OR1J2: variants seen among roughly 807,000 people sequenced by gnomAD.
OR1J2 encodes the protein olfactory receptor family 1 subfamily J member 2, also known as olfactory receptor 1J2.
For missense variants in OR1J2, 304 were observed against 246.1 expected, an observed-to-expected ratio of 1.24 and a Z score of -1.57; for synonymous variants, 142 against 99.7, an observed-to-expected ratio of 1.42 and a Z score of -2.52.
the OR1J2 span, among the ~76,000 whole-genome samples, chr9:122,476,469 C>A: frequency 6.6e-6 from 1 of 152,160 alleles, no homozygotes; most frequent in Non-Finnish European, 1.5e-5. Context: ...TTCCATTACC[C>A]AAGAAAAGAG....
At chr9:122,462,250 G>T in the OR1J2 span, among the ~76,000 whole-genome samples, 1 of 151,962 alleles carries the variant, frequency 6.6e-6, no homozygotes, top group Non-Finnish European at 1.5e-5. Flanking sequence ...GCTTGCTTTT[G>T]GTGTCCATTT....
upstream of OR1J2, among the ~76,000 whole-genome samples, chr9:122,507,110 G>C (rs145077301): frequency 1.1e-3 from 171 of 152,284 alleles, 1 homozygote; most frequent in African/African-American, 3.8e-3. Flanking sequence ...TCTGTGGTAG[G>C]TTTCAAGGGT....
chr9:122,549,931 T>C, the OR1J2 span, among the ~76,000 whole-genome samples: 2 of 152,182 alleles, frequency 1.3e-5, no homozygotes, highest in African/African-American at 4.8e-5. Flanking sequence ...TTGCATTGAA[T>C]CTATAGATTG....
chr9:122,482,409 T>A, the OR1J2 span, among the ~76,000 whole-genome samples: 2 of 152,170 alleles, frequency 1.3e-5, no homozygotes, highest in African/African-American at 2.4e-5. Context: ...GGAAGACTTA[T>A]ACATGGTTGG....
At chr9:122,464,135 A>G in the OR1J2 span, among the ~76,000 whole-genome samples, 2 of 152,014 alleles carry the variant, frequency 1.3e-5, no homozygotes, top group African/African-American at 2.4e-5. Context: ...GGGGGCTGGG[A>G]GTGTGGTTCC....
At chr9:122,454,719 GA>G in the OR1J2 span, among the ~76,000 whole-genome samples, 2 of 152,174 alleles carry the variant, frequency 1.3e-5, no homozygotes, top group Non-Finnish European at 2.9e-5. Flanking sequence ...CATAGGGCTA[GA>G]AAGGCAAACG....
chr9:122,456,849 G>A, the OR1J2 span, among the ~76,000 whole-genome samples: 1 of 152,154 alleles, frequency 6.6e-6, no homozygotes, highest in African/African-American at 2.4e-5. Flanking sequence ...AATATCATTT[G>A]GATCAGCAAT....
chr9:122,545,184 A>G, the OR1J2 span, among the ~76,000 whole-genome samples: 1 of 146,772 alleles, frequency 6.8e-6, no homozygotes, highest in Admixed American at 6.6e-5. Flanking sequence ...TTAGTTGGAT[A>G]TAATATTATG....
the OR1J2 span, among the ~76,000 whole-genome samples, chr9:122,448,523 G>C: frequency 6.6e-6 from 1 of 152,102 alleles, no homozygotes; most frequent in Admixed American, 6.6e-5. Flanking sequence ...CGTCAGGCTG[G>C]GGGATGGTTA....
chr9:122,579,131 A>G, the OR1J2 span, among the ~76,000 whole-genome samples: 2 of 152,076 alleles, frequency 1.3e-5, no homozygotes, highest in Non-Finnish European at 2.9e-5. Context: ...AACAGAAATC[A>G]TCCAAGTTTT....
the OR1J2 span, among the ~76,000 whole-genome samples, chr9:122,574,848 T>TATC: frequency 1.3e-5 from 2 of 152,140 alleles, no homozygotes; most frequent in Non-Finnish European, 2.9e-5. Flanking sequence ...AGTTTTTTCT[T>TATC]ATCAAGTTGA....
chr9:122,499,649 A>G, the OR1J2 span, among the ~76,000 whole-genome samples: 1 of 152,224 alleles, frequency 6.6e-6, no homozygotes, highest in Non-Finnish European at 1.5e-5. Flanking sequence ...AGGGTGGGTC[A>G]GGCTGCTGAT....
the OR1J2 span, among the ~76,000 whole-genome samples, chr9:122,573,497 G>A: frequency 6.6e-6 from 1 of 152,206 alleles, no homozygotes; most frequent in African/African-American, 2.4e-5. Context: ...CAGATGACAT[G>A]AGATGGAGCA....
chr9:122,490,349 T>C, the OR1J2 span, among the ~76,000 whole-genome samples: 1 of 152,330 alleles, frequency 6.6e-6, no homozygotes, highest in East Asian at 1.9e-4. Flanking sequence ...TATATCTCTT[T>C]TCCTTTATCC....
the OR1J2 span, chr9:122,476,842 A>G: frequency 1.7e-6 from 1 of 598,396 alleles, no homozygotes; most frequent in Non-Finnish European, 3.0e-6. Flanking sequence ...AGTAGCTGGG[A>G]CTATAGGCAT....
the OR1J2 span, among the ~76,000 whole-genome samples, chr9:122,545,966 G>A: frequency 6.6e-6 from 1 of 151,848 alleles, no homozygotes; most frequent in African/African-American, 2.4e-5. Context: ...CCTGTCCTGA[G>A]AATTGGGAGT....
chr9:122,497,885 T>G, the OR1J2 span, among the ~76,000 whole-genome samples: 1 of 152,190 alleles, frequency 6.6e-6, no homozygotes, highest in Non-Finnish European at 1.5e-5. Context: ...TGTCTCTATT[T>G]TCATTTATTT....
the OR1J2 span, among the ~76,000 whole-genome samples, chr9:122,543,305 C>A: frequency 3.2e-4 from 48 of 152,164 alleles, no homozygotes; most frequent in African/African-American, 1.1e-3. Context: ...TGGGCTCAAG[C>A]AACCTTCCCA....
At chr9:122,571,811 G>T in the OR1J2 span, among the ~76,000 whole-genome samples, 1 of 152,124 alleles carries the variant, frequency 6.6e-6, no homozygotes, top group South Asian at 2.1e-4. Context: ...TGAGGCAGAA[G>T]ATGCAGGCTG....
Sources: gnomAD v4.1 joint callset for allele counts (sites outside exome capture counted in the v4.1 genomes callset) on GRCh38, gnomAD v4.1.1 for gene constraint, MANE v1.5 for transcripts, NCBI Gene and HGNC (gene_info 2026-07-23, HGNC 2026-07-21) for gene names.